The following MAP4 variants were observed in gnomAD, a reference collection of about 807,000 sequenced individuals.
The protein encoded by MAP4 is microtubule associated protein 4, also known as microtubule-associated protein 4.
MAP4 carries 76 observed loss-of-function variants against 170.2 expected under a neutral mutation model. The observed-to-expected ratio is 0.45, with a 90% CI of 0.37 to 0.54. The LOEUF is 0.54. Among genes scored for constraint, MAP4 ranks in the 20% least tolerant of loss-of-function variants. The pLI is 0.00. For synonymous variants in MAP4, 909 were observed against 994.5 expected (o/e 0.91, Z 1.62); for missense variants, 2,506 against 2,748.0 (o/e 0.91, Z 1.97).
rs574824505 is a variant in MAP4 at position 48,055,783 on chromosome 3, A to C, written c.-20+32990T>G. On this transcript the variant is annotated intron_variant, in intron 1 of 18. Transcript: ENST00000360240. ...GGAGCGCCTCTTCCCAGCCGCCATCACATCTAGGAAGTGAGGAGCGTCTCT... is the reference window on the plus strand; with the variant it reads ...GGAGCGCCTCTTCCCAGCCGCCATCCCATCTAGGAAGTGAGGAGCGTCTCT... 1.3e-3 allele frequency among the ~76,000 whole-genome samples: 159 copies of C among 121,732 alleles called. No individual in the cohort carries two copies. In the Middle Eastern group the frequency reaches 0.016, roughly 13 times the overall value. 79.9% of individuals were successfully genotyped at this position (121,732 alleles called of 152,430 possible). A position where few individuals can be genotyped will look rare whatever the true frequency, so the allele number is the denominator to read the frequency against.
At chr3:47,918,940 T>G (rs954259393) in intron 5 of MAP4, 99 bp from the exon 6 acceptor site, 160 of 1,068,558 alleles carry the variant, frequency 1.5e-4, no homozygotes, top group Middle Eastern at 1.1e-3. Context: ...TTGTTTGTTT[T>G]TTTTTTGAGA....
intron 12 of MAP4, 90 bp downstream of exon 12, chr3:47,875,595 A>T: frequency 1.7e-6 from 2 of 1,198,090 alleles, no homozygotes; most frequent in Non-Finnish European, 2.4e-6. Context: ...CACCAGCCTG[A>T]TTCTGTTGTC....
chr3:47,874,595 C>A (rs948801508), intron 12 of MAP4, among the ~76,000 whole-genome samples: 1 of 152,178 alleles, frequency 6.6e-6, no homozygotes, highest in Non-Finnish European at 1.5e-5. Flanking sequence ...TCTGTCACCC[C>A]CCAGAAGCCG....
chr3:47,983,053 C>G (rs114085622), intron 2 of MAP4, among the ~76,000 whole-genome samples: 1,608 of 151,918 alleles, frequency 0.011, 29 homozygotes, highest in African/African-American at 0.037. Flanking sequence ...TACAGGCGTG[C>G]GCCACCACTC....
In MAP4 at chr3:47,909,407, C is replaced by A; in HGVS notation, c.5014G>T (p.Glu1672Ter). 2 of 1,613,642 alleles carry A rather than the reference C, an allele frequency of 1.2e-6. No homozygotes were observed. The highest frequency in any genetic ancestry group is 1.7e-6 in the Non-Finnish European group (2 of 1,179,640). The change falls in exon 9 of 21, where the codon GAA becomes TAA. Residue 1672 changes from glutamate to a stop codon, truncating the protein, a stop_gained. Transcript: ENST00000683076. LOFTEE classifies it high-confidence loss of function. ...GTGATTTTACAAGCCAGACTAATTT[C>A]TTTCAATTTATCATTTTCACTTTTT... ...SPKSENDKLKEISLACKITEL... is the reference protein window; with the variant it reads ...SPKSENDKLK
chr3:48,057,638 A>G (rs1189894468), intron 1 of MAP4, among the ~76,000 whole-genome samples: 3 of 138,000 alleles, frequency 2.2e-5, no homozygotes, highest in Admixed American at 6.9e-5. Context: ...AATAAAAAAG[A>G]AAAAAAAGAA....
At chr3:47,952,213 G>A (rs1216364588) in intron 3 of MAP4, among the ~76,000 whole-genome samples, 1 of 151,928 alleles carries the variant, frequency 6.6e-6, no homozygotes, top group Non-Finnish European at 1.5e-5. Flanking sequence ...CGTCTGGGAA[G>A]TGAGGAGCAT....
At chr3:48,045,941 T>C (rs2100124325) in intron 1 of MAP4, among the ~76,000 whole-genome samples, 1 of 152,040 alleles carries the variant, frequency 6.6e-6, no homozygotes, top group Non-Finnish European at 1.5e-5. Flanking sequence ...TATCACAGAA[T>C]ACCTTCGAGA....
chr3:48,027,620 G>A (rs1471348352), intron 1 of MAP4, among the ~76,000 whole-genome samples: 1 of 152,050 alleles, frequency 6.6e-6, no homozygotes, highest in Non-Finnish European at 1.5e-5. Context: ...TGAAATGGGA[G>A]GATCCCTTAA....
intron 2 of MAP4, among the ~76,000 whole-genome samples, chr3:47,984,827 G>A (rs926074034): frequency 6.6e-6 from 1 of 152,022 alleles, no homozygotes; most frequent in Non-Finnish European, 1.5e-5. Context: ...AAATTAGCCA[G>A]GTGTGGTGGC....
chr3:47,914,749 A>G (rs1443835029), intron 8 of MAP4, 68 bp downstream of exon 8: 6 of 1,584,266 alleles, frequency 3.8e-6, no homozygotes, highest in South Asian at 3.3e-5. Flanking sequence ...ACTAGAGACA[A>G]TGTCTACCAT....
chr3:47,936,949 C>T (rs1016256063), intron 3 of MAP4, among the ~76,000 whole-genome samples: 17 of 147,552 alleles, frequency 1.2e-4, no homozygotes, highest in Non-Finnish European at 2.4e-4. Context: ...CACTGCACTC[C>T]GGCTTGGGTG....
intron 10 of MAP4, among the ~76,000 whole-genome samples, chr3:47,901,672 TAAA>T (rs1205531345): frequency 7.2e-6 from 1 of 138,848 alleles, no homozygotes; most frequent in African/African-American, 2.7e-5. Flanking sequence ...AGACCCTATT[TAAA>T]AAAAAAAAAA....
intron 1 of MAP4, among the ~76,000 whole-genome samples, chr3:48,062,872 C>T (rs2100136563): frequency 6.6e-6 from 1 of 150,916 alleles, no homozygotes; most frequent in African/African-American, 2.4e-5. Context: ...TTGTTGTGAG[C>T]CAAGATCGTG....
intron 3 of MAP4, among the ~76,000 whole-genome samples, chr3:47,951,108 A>G (rs1437627626): frequency 6.6e-6 from 1 of 152,190 alleles, no homozygotes; most frequent in Non-Finnish European, 1.5e-5. Flanking sequence ...TAATTTATAA[A>G]GGTTTTAAAA....
At chr3:47,907,752 G>A (rs1256759026) in intron 9 of MAP4, among the ~76,000 whole-genome samples, 2 of 152,176 alleles carry the variant, frequency 1.3e-5, no homozygotes, top group African/African-American at 2.4e-5. Context: ...AAACCAAAAC[G>A]AAAGAACTGG....
chr3:48,041,996 A>G (rs544065225), intron 1 of MAP4, among the ~76,000 whole-genome samples: 1 of 152,298 alleles, frequency 6.6e-6, no homozygotes, highest in South Asian at 2.1e-4. Flanking sequence ...CTTGTCTTAT[A>G]TATCTCTTCA....
At chr3:48,083,184 T>C (rs2100147452) in intron 1 of MAP4, among the ~76,000 whole-genome samples, 1 of 152,220 alleles carries the variant, frequency 6.6e-6, no homozygotes, top group Non-Finnish European at 1.5e-5. Context: ...ATTCCACTAA[T>C]GCTAATTTCT....
intron 12 of MAP4, 42 bp downstream of exon 12, chr3:47,875,643 G>T: frequency 6.5e-7 from 1 of 1,532,550 alleles, no homozygotes; most frequent in Non-Finnish European, 8.9e-7. Context: ...ACACTCAGAG[G>T]GGAACAATTT....
Sources: allele counts gnomAD v4.1 joint callset (sites outside exome capture counted in the v4.1 genomes callset), GRCh38; gene constraint gnomAD v4.1.1; transcripts MANE v1.5; gene names NCBI Gene and HGNC (gene_info 2026-07-23, HGNC 2026-07-21).